The following FAM78B variants were observed in gnomAD, a reference collection of about 807,000 sequenced individuals.
FAM78B encodes the protein family with sequence similarity 78 member B, also known as protein FAM78B.
A neutral mutation model predicts 20.0 loss-of-function variants in FAM78B; 10 were observed. The ratio of observed to expected loss-of-function variants is 0.50; its 90% CI spans 0.31 to 0.85. The LOEUF is 0.85. Among genes scored for constraint, FAM78B ranks in the 40% least tolerant of loss-of-function variants. The probability of loss-of-function intolerance (pLI) is 0.05; values close to 1 mark genes in which losing one functional copy is unlikely to be tolerated. For synonymous variants in FAM78B, 135 were observed against 132.8 expected (o/e 1.02, Z -0.12); for missense variants, 283 against 345.0 (o/e 0.82, Z 1.42).
chr1:166,074,943 T>C (rs1652207666), intron 1 of FAM78B, among the ~76,000 whole-genome samples: 1 of 152,152 alleles, frequency 6.6e-6, no homozygotes, highest in Non-Finnish European at 1.5e-5. Flanking sequence ...ATGAACACTT[T>C]GGAATAGAGA....
chr1:166,158,870 A>T (rs1264560364), intron 1 of FAM78B, among the ~76,000 whole-genome samples: 1 of 152,268 alleles, frequency 6.6e-6, no homozygotes, highest in Non-Finnish European at 1.5e-5. Context: ...AGTATTCACC[A>T]GGATGCTCTG....
intron 1 of FAM78B, among the ~76,000 whole-genome samples, chr1:166,112,682 C>A (rs904091392): frequency 2.6e-5 from 4 of 152,220 alleles, no homozygotes; most frequent in Admixed American, 6.5e-5. Context: ...ATCCACACCC[C>A]TGCTCTCAAA....
chr1:166,095,150 C>G (rs1653228045), intron 1 of FAM78B, among the ~76,000 whole-genome samples: 2 of 152,134 alleles, frequency 1.3e-5, no homozygotes, highest in Admixed American at 6.5e-5. Flanking sequence ...GCTGACAACC[C>G]TGCCCTCAGA....
intron 1 of FAM78B, among the ~76,000 whole-genome samples, chr1:166,115,172 CA>C (rs1654209052): frequency 6.6e-6 from 1 of 152,180 alleles, no homozygotes; most frequent in Non-Finnish European, 1.5e-5. Flanking sequence ...GTAAACGAAA[CA>C]AAGCTCCCAC....
exon 3 of FAM78B, chr1:166,060,184 G>A (rs1002649535): frequency 5.3e-6 from 1 of 188,938 alleles, no homozygotes; most frequent in African/African-American, 2.4e-5. Context: ...GGAGAAGGAG[G>A]AGGAAGGGAG....
chr1:166,107,216 G>C lies in FAM78B; in HGVS notation c.264-36453C>G, dbSNP rs143315028. Among the ~76,000 whole-genome samples the C allele has an allele frequency of 5.3e-3, 808 of 152,196 alleles. 4 individuals are homozygous for C. Among genetic ancestry groups the C allele is most frequent in the Non-Finnish European group, 7.6e-3 (518 of 68,014 alleles). On this transcript the variant is annotated intron_variant, in intron 1 of 1. Transcript: ENST00000354422. ...AATAGATAAATGAAACGAAAAGCTGGTTCTTTGAAAAGATAAATAAAATTG... is the reference window on the plus strand; with the variant it reads ...AATAGATAAATGAAACGAAAAGCTGCTTCTTTGAAAAGATAAATAAAATTG...
At chr1:166,164,454 G>A (rs949532339) in intron 1 of FAM78B, among the ~76,000 whole-genome samples, 146 of 152,262 alleles carry the variant, frequency 9.6e-4, no homozygotes, top group African/African-American at 3.4e-3. Context: ...GGCATGATTC[G>A]CCCCAAATAA....
At chr1:166,083,539 C>T (rs574893454) in intron 1 of FAM78B, among the ~76,000 whole-genome samples, 2 of 152,286 alleles carry the variant, frequency 1.3e-5, no homozygotes, top group South Asian at 4.1e-4. Context: ...CAGTTTTGCT[C>T]GGTCACCCAG....
At chr1:166,119,610 C>T (rs1462226560) in intron 1 of FAM78B, among the ~76,000 whole-genome samples, 1 of 152,212 alleles carries the variant, frequency 6.6e-6, no homozygotes, top group Non-Finnish European at 1.5e-5. Context: ...AGCTGCCTCC[C>T]TAAGAGAGCT....
rs771987582 is a variant in FAM78B, at chr1:166,070,770, A to G, written c.264-7T>C. ...AGGCAGTTCCCAGCTTGACCTGGCA[A>G]AGCAGAAGACATGCACAAGAAAAGA... On this transcript the variant is annotated splice_polypyrimidine_tract_variant and splice_region_variant and intron_variant, in intron 1 of 1. Coordinates refer to ENST00000354422, the MANE Select transcript of FAM78B (RefSeq NM_001017961.5). The G allele has an allele frequency of 6.5e-7, 1 of 1,539,248 alleles. No individual in the cohort carries two copies. The highest frequency in any genetic ancestry group is 1.2e-5 in the South Asian group (1 of 80,116).
chr1:166,059,997 T>C (rs1164821983), exon 3 of FAM78B: 1 of 153,342 alleles, frequency 6.5e-6, no homozygotes, highest in East Asian at 1.9e-4. Context: ...ATGCACACCA[T>C]TTTTTCCCTC....
At chr1:166,165,291 G>T (rs1405742336) in intron 1 of FAM78B, among the ~76,000 whole-genome samples, 2 of 152,132 alleles carry the variant, frequency 1.3e-5, no homozygotes, top group African/African-American at 4.8e-5. Context: ...CGCGCCAGCC[G>T]AACGCTGCTC....
chr1:166,084,658 C>A (rs532928072), intron 1 of FAM78B, among the ~76,000 whole-genome samples: 1 of 152,344 alleles, frequency 6.6e-6, no homozygotes, highest in South Asian at 2.1e-4. Context: ...GGCTTCCCTG[C>A]ACCTGGGTCC....
chr1:166,158,758 G>A (rs1375920207), intron 1 of FAM78B, among the ~76,000 whole-genome samples: 1 of 152,196 alleles, frequency 6.6e-6, no homozygotes, highest in Non-Finnish European at 1.5e-5. Flanking sequence ...CTGCCTCTGT[G>A]GGGGAATATC....
At chr1:166,116,228 G>A (rs990305341) in intron 1 of FAM78B, among the ~76,000 whole-genome samples, 1 of 152,180 alleles carries the variant, frequency 6.6e-6, no homozygotes, top group South Asian at 2.1e-4. Flanking sequence ...TCAGACATGT[G>A]TGCAGACTCC....
At chr1:166,132,307 C>T (rs1368063800) in intron 1 of FAM78B, among the ~76,000 whole-genome samples, 3 of 152,112 alleles carry the variant, frequency 2.0e-5, no homozygotes, top group Non-Finnish European at 2.9e-5. Context: ...CTAACCCTCG[C>T]GGTGTGAAGA....
chr1:166,102,700 T>G (rs1267080837), intron 1 of FAM78B, among the ~76,000 whole-genome samples: 1 of 152,142 alleles, frequency 6.6e-6, no homozygotes, highest in Admixed American at 6.5e-5. Context: ...GCACCCAGAT[T>G]CATAAAGCAA....
chr1:166,081,240 C>G (rs566512803), intron 1 of FAM78B: 5 of 152,192 alleles, frequency 3.3e-5, no homozygotes, highest in African/African-American at 1.2e-4. Context: ...ACCACTCTTG[C>G]GTCCTGTTTA....
chr1:166,111,695 T>G (rs951036347), intron 1 of FAM78B, among the ~76,000 whole-genome samples: 16 of 152,212 alleles, frequency 1.1e-4, no homozygotes, highest in Non-Finnish European at 1.6e-4. Context: ...GGATGCCCTC[T>G]GCATGGGGGT....
Sources: gnomAD v4.1 joint callset for allele counts (sites outside exome capture counted in the v4.1 genomes callset) on GRCh38, gnomAD v4.1.1 for gene constraint, MANE v1.5 for transcripts, NCBI Gene and HGNC (gene_info 2026-07-23, HGNC 2026-07-21) for gene names.